The following FBXL13 variants were observed in gnomAD, a reference collection of about 807,000 sequenced individuals.
The protein encoded by FBXL13 is F-box and leucine rich repeat protein 13.
A neutral mutation model predicts 83.6 loss-of-function variants in FBXL13; 67 were observed. The ratio of observed to expected loss-of-function variants is 0.80; its 90% CI spans 0.66 to 0.98. The LOEUF (loss-of-function observed/expected upper bound fraction) is 0.98. Among genes scored for constraint, FBXL13 ranks in the 50% least tolerant of loss-of-function variants. The pLI is 0.00. For synonymous variants in FBXL13, 272 were observed against 299.5 expected, an observed-to-expected ratio of 0.91 and a Z score of 0.95; for missense variants, 822 against 866.5, an observed-to-expected ratio of 0.95 and a Z score of 0.64.
intron 8 of FBXL13, among the ~76,000 whole-genome samples, chr7:102,955,225 A>ACTGAATG (rs1372318118): frequency 6.6e-6 from 1 of 152,232 alleles, no homozygotes. Flanking sequence ...ATTAGAACTC[A>ACTGAATG]GGATTAACAA....
At chr7:103,037,928 TG>T (rs1795235212) in intron 2 of FBXL13, among the ~76,000 whole-genome samples, 2 of 151,828 alleles carry the variant, frequency 1.3e-5, no homozygotes, top group Non-Finnish European at 2.9e-5. Flanking sequence ...AGGTATCTGG[TG>T]CACCTCACTG....
intron 14 of FBXL13, among the ~76,000 whole-genome samples, chr7:102,882,190 G>A (rs2129458817): frequency 6.6e-6 from 1 of 151,658 alleles, no homozygotes; most frequent in African/African-American, 2.4e-5. Context: ...GAGCCCAGGA[G>A]TTCAAGGTTA....
At chr7:103,073,217 CACATATATGTACATAAACACATATACA>C (rs1799177055) in intron 1 of FBXL13, among the ~76,000 whole-genome samples, 1 of 152,222 alleles carries the variant, frequency 6.6e-6, no homozygotes, top group African/African-American at 2.4e-5. Context: ...TAGATATATA[CACATATATGTACATAAACACATATACA>C]ACATATATGA....
At chr7:102,971,590 G>A (rs1210818589) in intron 6 of FBXL13, among the ~76,000 whole-genome samples, 20 of 78,190 alleles carry the variant, frequency 2.6e-4, no homozygotes, top group African/African-American at 4.0e-4. Flanking sequence ...GCGAAACTCC[G>A]TCTCAAAAAA....
At chr7:102,822,827 C>T (rs146665160) in intron 18 of FBXL13, among the ~76,000 whole-genome samples, 8 of 152,308 alleles carry the variant, frequency 5.3e-5, no homozygotes, top group African/African-American at 1.9e-4. Context: ...GATCCCAGCA[C>T]TTTGGTAGGC....
In FBXL13 at chr7:103,046,500, T is replaced by C. The variant is rs142114629; in HGVS notation, c.-1+9144A>G. Among the ~76,000 whole-genome samples, 489 of 152,322 alleles carry C rather than the reference T, an allele frequency of 3.2e-3. 3 individuals are homozygous for C. The highest frequency in any genetic ancestry group is 6.8e-3 in the Middle Eastern group (2 of 294). On this transcript the variant is annotated intron_variant, in intron 2 of 19. Coordinates refer to ENST00000313221, the Ensembl canonical transcript of FBXL13. ...GTGGGCTAAGAGGAGTTTTGACTGA[T>C]TATGAGGCGACATATATACCATTAA...
intron 18 of FBXL13, among the ~76,000 whole-genome samples, chr7:102,822,658 A>G (rs185575029): frequency 2.8e-3 from 429 of 152,362 alleles, no homozygotes; most frequent in Non-Finnish European, 4.2e-3. Context: ...AAAATCAGAC[A>G]CTTGCATATT....
At chr7:102,961,189 C>A (rs1825137841) in intron 8 of FBXL13, among the ~76,000 whole-genome samples, 3 of 149,942 alleles carry the variant, frequency 2.0e-5, no homozygotes, top group African/African-American at 7.4e-5. Flanking sequence ...TATACACCAA[C>A]AACAGACAAA....
intron 19 of FBXL13, among the ~76,000 whole-genome samples, chr7:102,818,620 TC>T (rs1798343356): frequency 6.6e-6 from 1 of 152,134 alleles, no homozygotes; most frequent in Admixed American, 6.6e-5. Context: ...GTAGGGACTG[TC>T]CGAGTTTAAG....
At chr7:102,898,446 C>T (rs1812548713) in intron 11 of FBXL13, among the ~76,000 whole-genome samples, 1 of 152,018 alleles carries the variant, frequency 6.6e-6, no homozygotes, top group African/African-American at 2.4e-5. Context: ...CATGTGCCAC[C>T]ATGCCCAGCT....
intron 6 of FBXL13, among the ~76,000 whole-genome samples, chr7:103,006,858 G>A (rs1196071416): frequency 2.7e-5 from 4 of 145,658 alleles, no homozygotes; most frequent in Non-Finnish European, 6.1e-5. Flanking sequence ...AGGATACAAA[G>A]AAAAAAATGA....
At chr7:102,999,407 TATCGGG>T (rs1790160567) in intron 6 of FBXL13, among the ~76,000 whole-genome samples, 1 of 152,214 alleles carries the variant, frequency 6.6e-6, no homozygotes, top group Non-Finnish European at 1.5e-5. Context: ...CTGGTTTTAG[TATCGGG>T]ATAATGCTGG....
intron 18 of FBXL13, among the ~76,000 whole-genome samples, chr7:102,831,843 C>T (rs1800759969): frequency 6.6e-6 from 1 of 152,114 alleles, no homozygotes; most frequent in Non-Finnish European, 1.5e-5. Flanking sequence ...CACTCTTCAT[C>T]TCTAGTTCTG....
At chr7:102,891,144 T>A (rs960272385) in intron 11 of FBXL13, among the ~76,000 whole-genome samples, 1 of 152,202 alleles carries the variant, frequency 6.6e-6, no homozygotes, top group Non-Finnish European at 1.5e-5. Flanking sequence ...GACTCTCAAA[T>A]ACCATGTCCT....
intron 17 of FBXL13, among the ~76,000 whole-genome samples, chr7:102,844,172 G>A (rs1803522431): frequency 6.6e-6 from 1 of 152,184 alleles, no homozygotes; most frequent in African/African-American, 2.4e-5. Flanking sequence ...CAGATGAACT[G>A]TCTCTGTTAG....
chr7:102,971,345 C>T (rs1338674680), intron 6 of FBXL13, among the ~76,000 whole-genome samples: 1 of 152,176 alleles, frequency 6.6e-6, no homozygotes, highest in African/African-American at 2.4e-5. Flanking sequence ...CACCTGTAAT[C>T]CCAGCACTTT....
intron 2 of FBXL13, among the ~76,000 whole-genome samples, chr7:103,051,201 AG>A (rs1462055254): frequency 1.3e-5 from 2 of 152,140 alleles, no homozygotes; most frequent in Non-Finnish European, 2.9e-5. Flanking sequence ...AATGAAACAA[AG>A]GGGTAGAACA....
At chr7:102,985,582 G>GA (rs1828846317) in intron 6 of FBXL13, among the ~76,000 whole-genome samples, 1 of 152,142 alleles carries the variant, frequency 6.6e-6, no homozygotes, top group Non-Finnish European at 1.5e-5. Context: ...TGAAATCAGT[G>GA]AATTCCATAG....
chr7:102,889,114 A>C (rs1287172947), intron 11 of FBXL13, among the ~76,000 whole-genome samples: 1 of 152,218 alleles, frequency 6.6e-6, no homozygotes, highest in Non-Finnish European at 1.5e-5. Flanking sequence ...AGAATCAAGA[A>C]GCAGGAGTAG....
Sources: gnomAD v4.1 joint callset for allele counts (sites outside exome capture counted in the v4.1 genomes callset) on GRCh38, gnomAD v4.1.1 for gene constraint, MANE v1.5 for transcripts, NCBI Gene and HGNC (gene_info 2026-07-23, HGNC 2026-07-21) for gene names.